Variants in DPP6 observed in about 807,000 individuals in gnomAD.
The protein encoded by DPP6 is dipeptidyl peptidase like 6, also known as A-type potassium channel modulatory protein DPP6.
A neutral mutation model predicts 122.6 loss-of-function variants in DPP6; 69 were observed. The ratio of observed to expected loss-of-function variants is 0.56; its 90% CI spans 0.46 to 0.69. The LOEUF (loss-of-function observed/expected upper bound fraction) is 0.69. Ranked by LOEUF, DPP6 falls within the 30% of genes least tolerant of loss-of-function variation. DPP6 has a pLI of 0.00. For synonymous variants in DPP6, 418 were observed against 433.1 expected, an observed-to-expected ratio of 0.97 and a Z score of 0.43; for missense variants, 928 against 1,116.9, an observed-to-expected ratio of 0.83 and a Z score of 2.41.
chr7:154,649,206 G>T (rs1314965203), intron 6 of DPP6, among the ~76,000 whole-genome samples: 2 of 152,186 alleles, frequency 1.3e-5, no homozygotes, highest in African/African-American at 4.8e-5. Flanking sequence ...GTTGTGACAG[G>T]TGTCTGCATT....
At chr7:154,259,691 T>C (rs1365629883) in intron 1 of DPP6, among the ~76,000 whole-genome samples, 1 of 152,228 alleles carries the variant, frequency 6.6e-6, no homozygotes, top group Non-Finnish European at 1.5e-5. Context: ...ATCAAGTCTG[T>C]AGCACAGACT....
chr7:154,570,445 A>G (rs967785476), intron 5 of DPP6, among the ~76,000 whole-genome samples: 1 of 151,982 alleles, frequency 6.6e-6, no homozygotes, highest in African/African-American at 2.4e-5. Context: ...TCCCCACCTC[A>G]GAGGACCCAG....
chr7:154,772,536 C>A (rs1272224375), intron 9 of DPP6, among the ~76,000 whole-genome samples: 1 of 152,178 alleles, frequency 6.6e-6, no homozygotes, highest in Non-Finnish European at 1.5e-5. Flanking sequence ...TTTTCTCCCC[C>A]ACTCCTCTTC....
intron 20 of DPP6, among the ~76,000 whole-genome samples, chr7:154,878,284 C>T (rs538827723): frequency 1.3e-5 from 2 of 152,350 alleles, no homozygotes; most frequent in African/African-American, 2.4e-5. Flanking sequence ...ACACACACGT[C>T]GTGCCCTAAA....
chr7:154,643,196 A>G (rs10275274), intron 6 of DPP6, among the ~76,000 whole-genome samples: 113,913 of 151,946 alleles, frequency 0.75, 43,025 homozygotes, highest in East Asian at 0.98. Context: ...TCTTAAAAGA[A>G]GTATCTATGG....
chr7:154,859,998 GC>G (rs1803231665), intron 17 of DPP6, among the ~76,000 whole-genome samples: 1 of 152,162 alleles, frequency 6.6e-6, no homozygotes, highest in Non-Finnish European at 1.5e-5. Flanking sequence ...GGATCACTAG[GC>G]AGCCTGGTTC....
At chr7:154,704,083 G>C (rs1172187675) in intron 7 of DPP6, among the ~76,000 whole-genome samples, 2 of 152,250 alleles carry the variant, frequency 1.3e-5, no homozygotes, top group Non-Finnish European at 2.9e-5. Context: ...ATATGCATTA[G>C]AGGAGGCCAA....
At chr7:154,866,794 G>A (rs3823529) in intron 17 of DPP6, among the ~76,000 whole-genome samples, 4 of 151,894 alleles carry the variant, frequency 2.6e-5, no homozygotes, top group African/African-American at 7.3e-5. Flanking sequence ...TTATGTACTC[G>A]TCACAAGCGC....
intron 1 of DPP6, among the ~76,000 whole-genome samples, chr7:153,921,119 A>G (rs1257272385): frequency 2.0e-5 from 3 of 152,230 alleles, no homozygotes; most frequent in Non-Finnish European, 4.4e-5. Context: ...GTTAGGAGCC[A>G]CTTGTGGCTG....
chr7:154,008,762 C>T (rs1798028509), intron 1 of DPP6, among the ~76,000 whole-genome samples: 1 of 149,818 alleles, frequency 6.7e-6, no homozygotes, highest in Admixed American at 6.6e-5. Flanking sequence ...CCCAGGTTCA[C>T]GCCATTCTCC....
intron 1 of DPP6, among the ~76,000 whole-genome samples, chr7:153,946,107 G>A (rs1023177339): frequency 1.1e-4 from 17 of 152,292 alleles, no homozygotes; most frequent in Admixed American, 7.8e-4. Context: ...GCTGTTACTG[G>A]AAAGGGGTCC....
intron 1 of DPP6, among the ~76,000 whole-genome samples, chr7:154,131,034 G>C (rs1489186249): frequency 2.6e-5 from 4 of 152,126 alleles, no homozygotes; most frequent in Non-Finnish European, 5.9e-5. Flanking sequence ...CAAGGGTCCT[G>C]ACTGAGGGAA....
intron 1 of DPP6, among the ~76,000 whole-genome samples, chr7:154,274,653 T>C (rs1479504570): frequency 6.6e-6 from 1 of 152,192 alleles, no homozygotes. Context: ...AAAATACGTT[T>C]TTTTTCTTGT....
chr7:154,061,742 C>G (rs867603162), intron 1 of DPP6, among the ~76,000 whole-genome samples: 2,442 of 66,202 alleles, frequency 0.037, 4 homozygotes, highest in African/African-American at 0.047. Flanking sequence ...GAACCTCCCC[C>G]TTTCCTCCCC....
chr7:153,899,343 C>T (rs1416739452), intron 1 of DPP6, among the ~76,000 whole-genome samples: 9 of 152,108 alleles, frequency 5.9e-5, no homozygotes, highest in Admixed American at 4.6e-4. Flanking sequence ...AGTTTGGTCG[C>T]CTCTAATCAT....
chr7:154,334,712 A>C (rs1326992609), intron 1 of DPP6, among the ~76,000 whole-genome samples: 1 of 152,206 alleles, frequency 6.6e-6, no homozygotes, highest in Non-Finnish European at 1.5e-5. Flanking sequence ...TCTGGCTAAC[A>C]TAGTGAAACC....
At chr7:154,108,867 C>T (rs1452549454) in intron 1 of DPP6, among the ~76,000 whole-genome samples, 1 of 152,212 alleles carries the variant, frequency 6.6e-6, no homozygotes, top group Admixed American at 6.5e-5. Flanking sequence ...CCAGCTATAC[C>T]AGTCACTTTA....
chr7:154,042,008 C>A (rs113768962), intron 1 of DPP6, among the ~76,000 whole-genome samples: 1 of 152,158 alleles, frequency 6.6e-6, no homozygotes, highest in Non-Finnish European at 1.5e-5. Flanking sequence ...CCGCCCACCT[C>A]GGCCTCCCAA....
intron 1 of DPP6, among the ~76,000 whole-genome samples, chr7:154,120,752 A>T (rs960971326): frequency 1.3e-5 from 2 of 152,226 alleles, no homozygotes; most frequent in African/African-American, 4.8e-5. Flanking sequence ...GTTTCATGCA[A>T]AGTTGAAGGA....
Sources: allele counts gnomAD v4.1 joint callset (sites outside exome capture counted in the v4.1 genomes callset), GRCh38; gene constraint gnomAD v4.1.1; transcripts MANE v1.5; gene names NCBI Gene and HGNC (gene_info 2026-07-23, HGNC 2026-07-21).